IL1RAPL1: variants seen among roughly 807,000 people sequenced by gnomAD.
IL1RAPL1 encodes interleukin-1 receptor accessory protein-like 1.
Under a neutral mutation model 48.4 loss-of-function variants are expected in IL1RAPL1, and 3 were observed. The observed-to-expected ratio is 0.06, with a 90% confidence interval of 0.03 to 0.16. The LOEUF is 0.16. Among genes scored for constraint, IL1RAPL1 ranks in the 10% least tolerant of loss-of-function variants. The probability of loss-of-function intolerance (pLI) is 1.00; values close to 1 mark genes in which losing one functional copy is unlikely to be tolerated. For synonymous variants in IL1RAPL1, 185 were observed against 187.7 expected (o/e 0.99, Z 0.12); for missense variants, 349 against 530.6 (o/e 0.66, Z 3.36).
At chrX:29,727,507 C>T (rs1190319073) in intron 6 of IL1RAPL1, among the ~76,000 whole-genome samples, 5 of 112,053 alleles carry the variant, frequency 4.5e-5, no homozygotes, top group African/African-American at 9.7e-5. Flanking sequence ...GTCTTATTCC[C>T]GGTTACCTGG....
In IL1RAPL1 at chrX:29,745,431, G is replaced by GTTTTTTTTTTTTTTTTTTTTTTT. The variant is rs752527354; in HGVS notation, c.778+76934_778+76956dup. On this transcript the variant is annotated intron_variant, in intron 6 of 10. Coordinates refer to ENST00000378993, the MANE Select transcript of IL1RAPL1 (RefSeq NM_014271.4). ...TCTCTTTATTCCTTAAGTTTTTTGTGTTTTTTTTTTTTTTTTTTTTTTTTT... is the reference window on the plus strand; with the variant it reads ...TCTCTTTATTCCTTAAGTTTTTTGTGTTTTTTTTTTTTTTTTTTTTTTTTTTTTTTTTTTTTTTTTTTTTTTTT... Among the ~76,000 whole-genome samples, 3 of 24,740 alleles carry GTTTTTTTTTTTTTTTTTTTTTTT rather than the reference G, an allele frequency of 1.2e-4. 1 individual carries two copies. Among genetic ancestry groups the GTTTTTTTTTTTTTTTTTTTTTTT allele is most frequent in the African/African-American group, 1.8e-4 (1 of 5,574 alleles). The allele number at this position is 24,740 out of a possible 115,157, so 21.5% of individuals were successfully genotyped here. A position where few individuals can be genotyped will look rare whatever the true frequency, so the allele number is the denominator to read the frequency against.
chrX:29,262,589 A>G (rs1311081502), intron 2 of IL1RAPL1, among the ~76,000 whole-genome samples: 11 of 109,695 alleles, frequency 1.0e-4, no homozygotes, highest in African/African-American at 3.7e-4. Flanking sequence ...CTTGAACCCA[A>G]GAGACGGAGG....
chrX:28,988,402 C>T (rs1483283624), intron 2 of IL1RAPL1, among the ~76,000 whole-genome samples: 1 of 110,993 alleles, frequency 9.0e-6, no homozygotes, highest in Non-Finnish European at 1.9e-5. Context: ...GCCATGGTCC[C>T]AGATTTTCTC....
chrX:29,464,266 A>G (rs940863529), intron 5 of IL1RAPL1, among the ~76,000 whole-genome samples: 2 of 111,899 alleles, frequency 1.8e-5, no homozygotes, highest in African/African-American at 3.2e-5. Flanking sequence ...CCTAAATCAC[A>G]GTCCTTGCCT....
At chrX:28,949,243 G>A (rs1924385387) in intron 2 of IL1RAPL1, among the ~76,000 whole-genome samples, 1 of 109,348 alleles carries the variant, frequency 9.1e-6, no homozygotes, top group African/African-American at 3.3e-5. Flanking sequence ...GATAACTGCA[G>A]AAAAATGTTA....
chrX:29,566,487 A>G (rs749698338), intron 5 of IL1RAPL1, among the ~76,000 whole-genome samples: 2 of 112,146 alleles, frequency 1.8e-5, no homozygotes, highest in Non-Finnish European at 3.8e-5. Context: ...CTACATATTC[A>G]TATGTTCAGA....
chrX:29,022,788 T>C (rs1169813729), intron 2 of IL1RAPL1, among the ~76,000 whole-genome samples: 1 of 108,663 alleles, frequency 9.2e-6, no homozygotes, highest in East Asian at 3.0e-4. Context: ...ACAATCTTGC[T>C]TAAATAAGTA....
At chrX:28,959,359 A>T (rs1248981504) in intron 2 of IL1RAPL1, among the ~76,000 whole-genome samples, 1 of 111,307 alleles carries the variant, frequency 9.0e-6, no homozygotes, top group African/African-American at 3.3e-5. Flanking sequence ...AAAATCAATT[A>T]TAAATGGAAA....
intron 6 of IL1RAPL1, among the ~76,000 whole-genome samples, chrX:29,908,217 C>T (rs992273866): frequency 1.8e-5 from 2 of 109,811 alleles, no homozygotes; most frequent in South Asian, 7.8e-4. Context: ...GGTAGATGCT[C>T]TTATGGAGTA....
intron 2 of IL1RAPL1, among the ~76,000 whole-genome samples, chrX:28,958,050 A>G (rs1924663513): frequency 8.9e-6 from 1 of 111,776 alleles, no homozygotes; most frequent in Admixed American, 9.5e-5. Flanking sequence ...GTTTTGAAAT[A>G]TGCATACATT....
intron 5 of IL1RAPL1, among the ~76,000 whole-genome samples, chrX:29,451,997 A>G (rs2147727286): frequency 8.9e-6 from 1 of 111,758 alleles, no homozygotes; most frequent in African/African-American, 3.2e-5. Context: ...GAAAAGAAAC[A>G]CTTGTCGTGG....
At chrX:29,155,268 T>A (rs148601915) in intron 2 of IL1RAPL1, among the ~76,000 whole-genome samples, 1,481 of 111,706 alleles carry the variant, frequency 0.013, 24 homozygotes, top group African/African-American at 0.045. Context: ...CGCCTCAGCC[T>A]CCCAAAGTGC....
chrX:28,611,486 A>G (rs1480376451), intron 1 of IL1RAPL1, among the ~76,000 whole-genome samples: 1 of 112,502 alleles, frequency 8.9e-6, no homozygotes, highest in African/African-American at 3.2e-5. Flanking sequence ...CCCAAAGTGT[A>G]AAATTAATAA....
chrX:28,823,873 C>T (rs909112412), intron 2 of IL1RAPL1, among the ~76,000 whole-genome samples: 3 of 111,172 alleles, frequency 2.7e-5, no homozygotes, highest in African/African-American at 9.8e-5. Flanking sequence ...TTAATCACAT[C>T]AGCCATGTCC....
At chrX:29,260,101 T>A (rs986865467) in intron 2 of IL1RAPL1, among the ~76,000 whole-genome samples, 2 of 112,338 alleles carry the variant, frequency 1.8e-5, no homozygotes, top group African/African-American at 6.5e-5. Context: ...TACAGTAGCC[T>A]TCCTTATTTT....
intron 2 of IL1RAPL1, among the ~76,000 whole-genome samples, chrX:28,859,827 A>G (rs946384098): frequency 2.7e-5 from 3 of 109,581 alleles, no homozygotes; most frequent in Non-Finnish European, 3.8e-5. Context: ...TTGATATGCA[A>G]TGGTGGTCTC....
At chrX:28,631,172 T>C (rs1934396630) in intron 1 of IL1RAPL1, among the ~76,000 whole-genome samples, 1 of 111,797 alleles carries the variant, frequency 8.9e-6, no homozygotes, top group Non-Finnish European at 1.9e-5. Flanking sequence ...CAGATACCTA[T>C]TGGCTCCATC....
chrX:29,399,191 T>C lies in IL1RAPL1; in HGVS notation c.586T>C (p.Phe196Leu), dbSNP rs1423042228. 4.2e-6 allele frequency: 5 copies of C among 1,203,455 alleles called. No individual in the cohort carries two copies. The highest frequency in any genetic ancestry group is 5.6e-6 in the Non-Finnish European group (5 of 888,054). The change falls in exon 5 of 11, where the codon TTC (phenylalanine) becomes CTC (leucine). Residue 196 changes from phenylalanine to leucine, a missense_variant. Around this residue, in one of 3 missense-constraint regions of IL1RAPL1, gnomAD observed 238 missense variants for 337.8 expected, o/e 0.70. Coordinates refer to ENST00000378993, the MANE Select transcript of IL1RAPL1 (RefSeq NM_014271.4). ...AAAAACATGGAGGCCAAGTATTGTA[T>C]TCAAAAGAGATACTCTGCTTATAAG... ...RTKTWRPSIV[F>L]KRDTLLIREV... is the part of the protein sequence containing the mutation.
At chrX:29,351,770 C>T (rs1933233710) in intron 3 of IL1RAPL1, among the ~76,000 whole-genome samples, 1 of 111,892 alleles carries the variant, frequency 8.9e-6, no homozygotes, top group Admixed American at 9.5e-5. Context: ...AATCCATGGG[C>T]TTGGTGTTCT....
Sources: gnomAD v4.1 joint callset for allele counts (sites outside exome capture counted in the v4.1 genomes callset) on GRCh38, gnomAD v4.1.1 for gene constraint, gnomAD v4.1.1 regional missense constraint, MANE v1.5 for transcripts, NCBI Gene and HGNC (gene_info 2026-07-23, HGNC 2026-07-21) for gene names.